Variants in TEC observed in about 807,000 individuals in gnomAD.
TEC encodes tec protein tyrosine kinase.
In TEC, 72 loss-of-function variants were observed where a neutral mutation model predicts 93.0. That is an observed-to-expected ratio of 0.77 (90% confidence interval 0.64 to 0.94). TEC has a LOEUF of 0.94. Ranked by LOEUF, TEC falls within the 40% of genes least tolerant of loss-of-function variation. The pLI is 0.00. For missense variants in TEC, 630 were observed against 757.9 expected (o/e 0.83, Z 1.98); for synonymous variants, 249 against 247.7 (o/e 1.01, Z -0.05).
Position 48,189,007 on chromosome 4 carries a change from T to C in TEC, c.139-12821A>G, listed in dbSNP as rs146788247. On this transcript the variant is annotated intron_variant, in intron 2 of 17. Transcript: ENST00000381501. ...GATAAACATTTGTAATTACTGTATA[T>C]AGTTTTATGATTACCTTTTATTCAT... is the stretch of plus-strand genomic sequence containing the variant. Among the ~76,000 whole-genome samples the C allele has an allele frequency of 3.3e-5, 5 of 152,348 alleles. No homozygotes were observed. The East Asian group carries it at 9.6e-4, about 29-fold the overall frequency.
chr4:48,206,798 AAATGAAAACAATTAGT>A (rs1722732406), intron 2 of TEC, among the ~76,000 whole-genome samples: 1 of 149,482 alleles, frequency 6.7e-6, no homozygotes, highest in Admixed American at 6.6e-5. Context: ...AAAAAAAAAA[AAATGAAAACAATTAGT>A]TGGGCACGGT....
At chr4:48,168,084 A>C in intron 6 of TEC, 131 bp from the exon 7 acceptor site, 1 of 761,236 alleles carries the variant, frequency 1.3e-6, no homozygotes, top group Non-Finnish European at 2.1e-6. Context: ...ATAATCCAAC[A>C]AACTCTCATG....
At chr4:48,265,368 G>T in intron 1 of TEC, among the ~76,000 whole-genome samples, 1 of 149,222 alleles carries the variant, frequency 6.7e-6, no homozygotes, top group Non-Finnish European at 1.5e-5. Flanking sequence ...AATTACCAAT[G>T]AGATAGATAT....
intron 2 of TEC, among the ~76,000 whole-genome samples, chr4:48,186,354 C>T (rs1410971895): frequency 1.3e-5 from 2 of 151,936 alleles, no homozygotes; most frequent in African/African-American, 4.8e-5. Context: ...TGACCAGCCG[C>T]CCAGTCTGGG....
chr4:48,159,956 A>G (rs893910437), intron 8 of TEC, among the ~76,000 whole-genome samples: 1 of 152,132 alleles, frequency 6.6e-6, no homozygotes, highest in African/African-American at 2.4e-5. Flanking sequence ...TAATCCAAAC[A>G]TCTTCCCCCA....
At chr4:48,228,210 A>G (rs966817304) in intron 2 of TEC, among the ~76,000 whole-genome samples, 1 of 152,222 alleles carries the variant, frequency 6.6e-6, no homozygotes, top group African/African-American at 2.4e-5. Flanking sequence ...GGAGAGAGCC[A>G]TATGTACAAT....
Position 48,170,390 on chromosome 4 carries a change from A to T in TEC, c.326-14T>A. The stretch of plus-strand genomic sequence containing the variant: ...TGTTCTTTATTTCTGTAATTCACAG[A>T]TATAGTAATTAATAGTGAAATACAA... On this transcript the variant is annotated splice_polypyrimidine_tract_variant and intron_variant, in intron 4 of 17. Coordinates refer to ENST00000381501, the MANE Select transcript of TEC (RefSeq NM_003215.3). The T allele has an allele frequency of 7.6e-7, 1 of 1,320,240 alleles. No individual in the cohort carries two copies. The highest frequency in any genetic ancestry group is 1.1e-6 in the Non-Finnish European group (1 of 933,404). 81.8% of individuals were successfully genotyped at this position (1,320,240 alleles called of 1,614,324 possible).
chr4:48,195,160 G>A (rs888214828), intron 2 of TEC, among the ~76,000 whole-genome samples: 5 of 152,182 alleles, frequency 3.3e-5, no homozygotes, highest in African/African-American at 7.2e-5. Context: ...GAGTAGAAGG[G>A]ATTTGTTATA....
intron 2 of TEC, among the ~76,000 whole-genome samples, chr4:48,184,809 T>C (rs1443556465): frequency 9.4e-6 from 1 of 106,718 alleles, no homozygotes; most frequent in Non-Finnish European, 2.1e-5. Flanking sequence ...ACACACACAT[T>C]AAATATTATT....
intron 5 of TEC, 105 bp downstream of exon 5, chr4:48,170,143 C>CTAGA: frequency 1.0e-6 from 1 of 953,614 alleles, no homozygotes; most frequent in Non-Finnish European, 1.6e-6. Context: ...TTTCACTGTA[C>CTAGA]TAGAAAGTGT....
At chr4:48,253,834 C>T (rs186429066) in intron 1 of TEC, among the ~76,000 whole-genome samples, 13 of 152,080 alleles carry the variant, frequency 8.5e-5, no homozygotes, top group African/African-American at 3.1e-4. Context: ...CTAGGCCCCC[C>T]CAAAGCGCTG....
rs1381762842 is a variant in TEC, at chr4:48,138,982, T to C, written c.1576A>G (p.Lys526Glu). 2 of 1,614,222 alleles carry C rather than the reference T, an allele frequency of 1.2e-6. No homozygotes were observed. Among genetic ancestry groups the C allele is most frequent in the African/African-American group, 1.3e-5 (1 of 75,064 alleles). Residue 526 changes from lysine to glutamate, a missense_variant, in exon 16 of 18, where the codon AAG (lysine) becomes GAG (glutamate). Lys to Glu is a moderately conservative substitution (Grantham distance 56). Around this residue, in one of 3 missense-constraint regions of TEC, gnomAD observed 289 missense variants for 390.0 expected, o/e 0.74. Transcript: ENST00000381501. Reference sequence around the variant, plus strand: ...GGTGGACACCACTTCACAGGAAACTTAGCACCAGAAGAACTTGTGTACTGA... The same window carrying C: ...GGTGGACACCACTTCACAGGAAACTCAGCACCAGAAGAACTTGTGTACTGA... Reference protein sequence around the residue: ...DDQYTSSSGAKFPVKWCPPEV... With the variant: ...DDQYTSSSGAEFPVKWCPPEV...
intron 1 of TEC, among the ~76,000 whole-genome samples, chr4:48,236,845 C>T (rs1203328888): frequency 6.6e-6 from 1 of 152,184 alleles, no homozygotes; most frequent in Non-Finnish European, 1.5e-5. Context: ...TACTCAGTTT[C>T]ACAGTCCAGC....
intron 11 of TEC, 152 bp downstream of exon 11, chr4:48,149,405 A>T: frequency 4.0e-6 from 3 of 742,864 alleles, no homozygotes; most frequent in East Asian, 6.3e-5. Flanking sequence ...TTTTCTTTGT[A>T]TATATCATTC....
chr4:48,141,985 G>A (rs758401203), intron 14 of TEC, among the ~76,000 whole-genome samples: 2 of 151,970 alleles, frequency 1.3e-5, no homozygotes, highest in Non-Finnish European at 2.9e-5. Flanking sequence ...CTAATAGAAG[G>A]GTCAACTCAC....
At chr4:48,246,391 C>G (rs926384354) in intron 1 of TEC, among the ~76,000 whole-genome samples, 20 of 151,658 alleles carry the variant, frequency 1.3e-4, no homozygotes, top group African/African-American at 4.8e-4. Context: ...TATTAAAATC[C>G]CAACAACCTT....
chr4:48,240,022 T>G (rs116594180), intron 1 of TEC, among the ~76,000 whole-genome samples: 1 of 151,718 alleles, frequency 6.6e-6, no homozygotes, highest in Non-Finnish European at 1.5e-5. Flanking sequence ...ATGGTGATTA[T>G]ATTTTTCAGA....
chr4:48,176,065 A>C lies in TEC; in HGVS notation c.243+17T>G, dbSNP rs1721313077. The stretch of plus-strand genomic sequence containing the variant: ...CTAAGCCCAGCACTGCACTGCCACA[A>C]AAATACACCAGCTCACCTGAAATGG... On this transcript the variant is annotated intron_variant, in intron 3 of 17. Transcript: ENST00000381501. 2 of 1,602,410 alleles carry C rather than the reference A, an allele frequency of 1.2e-6. No individual in the cohort carries two copies. Among genetic ancestry groups the C allele is most frequent in the Non-Finnish European group, 1.7e-6 (2 of 1,169,622 alleles).
At chr4:48,246,217 C>G (rs1320728854) in intron 1 of TEC, among the ~76,000 whole-genome samples, 4 of 151,760 alleles carry the variant, frequency 2.6e-5, no homozygotes, top group Non-Finnish European at 4.4e-5. Flanking sequence ...AAAATTTAAC[C>G]AAGGAAGAAT....
Sources: gnomAD v4.1 joint callset for allele counts (sites outside exome capture counted in the v4.1 genomes callset) on GRCh38, gnomAD v4.1.1 for gene constraint, gnomAD v4.1.1 regional missense constraint, MANE v1.5 for transcripts, NCBI Gene and HGNC (gene_info 2026-07-23, HGNC 2026-07-21) for gene names.